JAK1: variants seen among roughly 807,000 people sequenced by gnomAD.
JAK1 encodes the protein Janus kinase 1.
A neutral mutation model predicts 136.6 loss-of-function variants in JAK1; 16 were observed. That is an observed-to-expected ratio of 0.12 (90% CI 0.08 to 0.18). JAK1 has a LOEUF of 0.18. Among genes scored for constraint, JAK1 ranks in the 10% least tolerant of loss-of-function variants. The pLI is 1.00. For synonymous variants in JAK1, 492 were observed against 519.5 expected, an observed-to-expected ratio of 0.95 and a Z score of 0.72; for missense variants, 859 against 1,450.1, an observed-to-expected ratio of 0.59 and a Z score of 6.62.
At position 64,852,363 on chromosome 1, in the gene JAK1, G is replaced by A. The variant is rs572347880; in HGVS notation, c.1649-1453C>T. 1.9e-4 allele frequency among the ~76,000 whole-genome samples: 29 copies of A among 152,268 alleles called. No individual in the cohort carries two copies. The South Asian group carries it at 3.1e-3, about 16-fold the overall frequency. On this transcript the variant is annotated intron_variant, in intron 11 of 24. Coordinates refer to ENST00000342505, the MANE Select transcript of JAK1 (RefSeq NM_002227.4). ...TCCCACAACATACCTGGCCCTAATC[G>A]GGAGAACAAATGTGGGTGCCAGAAA...
chr1:64,914,260 C>T (rs956484599), intron 1 of JAK1, among the ~76,000 whole-genome samples: 2 of 152,192 alleles, frequency 1.3e-5, no homozygotes. Flanking sequence ...CAAAAATAAA[C>T]ACGATCTACT....
chr1:64,834,352 G>A lies in JAK1; in HGVS notation c.*210C>T, dbSNP rs997396619. 4 of 411,216 alleles carry A rather than the reference G, an allele frequency of 9.7e-6. No individual in the cohort carries two copies. The highest frequency in any genetic ancestry group is 3.9e-5 in the Admixed American group (1 of 25,664). The allele number at this position is 411,216 out of a possible 1,614,324, so 25.5% of individuals were successfully genotyped here. A position where few individuals can be genotyped will look rare whatever the true frequency, so the allele number is the denominator to read the frequency against. On this transcript the variant is annotated 3_prime_UTR_variant, in exon 25 of 25. Coordinates refer to ENST00000342505, the MANE Select transcript of JAK1 (RefSeq NM_002227.4). ...TTTGGTTGTCATTATGTGTCACTAA[G>A]TTACTGGTACCAAATTTAAAGAGGA...
intron 20 of JAK1, chr1:64,839,350 A>G (rs922763896): frequency 1.8e-5 from 7 of 387,450 alleles, no homozygotes; most frequent in East Asian, 3.9e-5. Flanking sequence ...TTCATAAGGC[A>G]TAAGTGCAAG....
intron 3 of JAK1, among the ~76,000 whole-genome samples, chr1:64,879,840 T>C (rs1206233120): frequency 2.0e-5 from 3 of 152,184 alleles, no homozygotes; most frequent in Non-Finnish European, 2.9e-5. Context: ...CTCCACCAGT[T>C]GCCTCCGTCA....
chr1:64,857,770 G>A lies in JAK1; in HGVS notation c.1344C>T (p.Tyr448=), dbSNP rs570451668. ...CTTCTTGCCGCAATTTATTGATGGC[G>A]TATTCTGTACTAGAGGGAGAAGTAG... ...NGCHGPICTE[Y]AINKLRQEGS... The change falls in exon 10 of 25, where the codon TAC becomes TAT. Residue 448 remains tyrosine, a synonymous_variant. Coordinates refer to ENST00000342505, the MANE Select transcript of JAK1 (RefSeq NM_002227.4). The A allele has an allele frequency of 1.1e-5, 17 of 1,614,142 alleles. No individual in the cohort carries two copies. Among genetic ancestry groups the A allele is most frequent in the East Asian group, 4.5e-5 (2 of 44,884 alleles).
chr1:64,878,559 G>GTGTGTA lies in JAK1; in HGVS notation c.329+465_329+466insTACACA, dbSNP rs773289462. 8.1e-3 allele frequency among the ~76,000 whole-genome samples: 643 copies of GTGTGTA among 79,108 alleles called. 6 individuals are homozygous for GTGTGTA. Among genetic ancestry groups the GTGTGTA allele is most frequent in the Non-Finnish European group, 0.012 (493 of 40,540 alleles). 51.9% of individuals were successfully genotyped at this position (79,108 alleles called of 152,430 possible). A position where few individuals can be genotyped will look rare whatever the true frequency, so the allele number is the denominator to read the frequency against. On this transcript the variant is annotated intron_variant, in intron 4 of 24. Transcript: ENST00000342505. ...ATATCATGACCTTTATATATATAGT[G>GTGTGTA]TGTATATATATATATATATATATAT...
At chr1:65,038,198 CTTTTTTTTTTTT>C (rs113538392) in intron 2 of JAK1, among the ~76,000 whole-genome samples, 1 of 133,294 alleles carries the variant, frequency 7.5e-6, no homozygotes, top group Non-Finnish European at 1.6e-5. Context: ...TTTTTCTTTT[CTTTTTTTTTTTT>C]TTTTTGAGAC....
chr1:65,020,633 A>G (rs1364671758), intron 2 of JAK1, among the ~76,000 whole-genome samples: 2 of 152,236 alleles, frequency 1.3e-5, no homozygotes, highest in East Asian at 3.8e-4. Context: ...AAGGCATTAT[A>G]TTCTTCAAAG....
chr1:65,013,906 A>G (rs1367798962), intron 2 of JAK1, among the ~76,000 whole-genome samples: 2 of 152,216 alleles, frequency 1.3e-5, no homozygotes, highest in Non-Finnish European at 2.9e-5. Flanking sequence ...GAAATAAAAG[A>G]TGAGCTTGAA....
chr1:65,047,544 C>T (rs1388369122), intron 1 of JAK1, among the ~76,000 whole-genome samples: 1 of 152,114 alleles, frequency 6.6e-6, no homozygotes, highest in Non-Finnish European at 1.5e-5. Context: ...CGGTGAAACC[C>T]CGTCTCTACT....
intron 1 of JAK1, among the ~76,000 whole-genome samples, chr1:64,888,851 A>G (rs1412026512): frequency 6.6e-6 from 1 of 152,238 alleles, no homozygotes; most frequent in Non-Finnish European, 1.5e-5. Context: ...ATGCTTTTGA[A>G]TGCCGATTCA....
At chr1:64,855,913 T>C (rs1557637593) in intron 10 of JAK1, among the ~76,000 whole-genome samples, 4 of 152,274 alleles carry the variant, frequency 2.6e-5, no homozygotes, top group Admixed American at 1.3e-4. Flanking sequence ...GGAGAAGGCA[T>C]TGATAAAAGG....
chr1:65,008,660 C>T (rs937590290), intron 2 of JAK1, among the ~76,000 whole-genome samples: 1 of 151,798 alleles, frequency 6.6e-6, no homozygotes, highest in African/African-American at 2.4e-5. Flanking sequence ...TCCTCTTCCC[C>T]TTTCCCTTCC....
At chr1:64,854,139 A>C (rs1469215791) in intron 11 of JAK1, among the ~76,000 whole-genome samples, 1 of 152,144 alleles carries the variant, frequency 6.6e-6, no homozygotes, top group Admixed American at 6.5e-5. Flanking sequence ...CTCCTCTTTC[A>C]CCAAGTTCAG....
intron 1 of JAK1, among the ~76,000 whole-genome samples, chr1:64,927,196 G>A (rs1416988988): frequency 6.6e-6 from 1 of 152,076 alleles, no homozygotes; most frequent in African/African-American, 2.4e-5. Flanking sequence ...TGTCTCTCTG[G>A]CACGGTCTCC....
chr1:64,937,208 T>C (rs1341245902), intron 1 of JAK1, among the ~76,000 whole-genome samples: 1 of 152,140 alleles, frequency 6.6e-6, no homozygotes, highest in East Asian at 1.9e-4. Flanking sequence ...GCTTCAGGGC[T>C]ACCAGGACCA....
chr1:64,897,876 GTAAAAA>G (rs1645047965), intron 1 of JAK1, among the ~76,000 whole-genome samples: 1 of 152,082 alleles, frequency 6.6e-6, no homozygotes, highest in Non-Finnish European at 1.5e-5. Flanking sequence ...ATTCAACTGT[GTAAAAA>G]TAATGTCCTT....
At chr1:64,926,492 C>T (rs899749856) in intron 1 of JAK1, among the ~76,000 whole-genome samples, 2 of 151,808 alleles carry the variant, frequency 1.3e-5, no homozygotes, top group African/African-American at 4.8e-5. Context: ...CTTACATTAA[C>T]GATTATCAGT....
Position 64,869,347 on chromosome 1 carries a change from T to C in JAK1, c.611A>G (p.Lys204Arg). Residue 204 changes from lysine (K) to arginine (R), a missense_variant, in exon 6 of 25, where the codon AAG becomes AGG. Lys to Arg is a conservative substitution (Grantham distance 26, BLOSUM62 2). This residue lies in a region of JAK1 where 353 missense variants were observed against 494.0 expected (regional missense o/e 0.71). Coordinates refer to ENST00000342505, the MANE Select transcript of JAK1 (RefSeq NM_002227.4). ...VLAISHYAMM[K>R]KMQLPELPKD... Reference sequence around the variant, plus strand: ...GGGCAGTTCTGGCAACTGCATCTTCTTCATCATGGCATAGTGTGAGATGGC... The same window carrying C: ...GGGCAGTTCTGGCAACTGCATCTTCCTCATCATGGCATAGTGTGAGATGGC... The C allele has an allele frequency of 1.9e-6, 3 of 1,614,142 alleles. No individual in the cohort carries two copies. The highest frequency in any genetic ancestry group is 2.5e-6 in the Non-Finnish European group (3 of 1,179,996).
Sources: gnomAD v4.1 joint callset for allele counts (sites outside exome capture counted in the v4.1 genomes callset) on GRCh38, gnomAD v4.1.1 for gene constraint, gnomAD v4.1.1 regional missense constraint, MANE v1.5 for transcripts, NCBI Gene and HGNC (gene_info 2026-07-23, HGNC 2026-07-21) for gene names.